PDE4A: variants seen among roughly 807,000 people sequenced by gnomAD.
PDE4A encodes 3',5'-cyclic-AMP phosphodiesterase 4A.
In PDE4A, 21 loss-of-function variants were observed where a neutral mutation model predicts 73.9. The observed-to-expected ratio is 0.28, with a 90% CI of 0.20 to 0.41. PDE4A has a LOEUF of 0.41. Among genes scored for constraint, PDE4A ranks in the 10% least tolerant of loss-of-function variants. The pLI is 1.00. For missense variants in PDE4A, 958 were observed against 1,211.4 expected, an observed-to-expected ratio of 0.79 and a Z score of 3.10; for synonymous variants, 463 against 505.4, an observed-to-expected ratio of 0.92 and a Z score of 1.13.
upstream of PDE4A, chr19:10,417,927 G>A (rs1214824121): frequency 1.8e-5 from 27 of 1,496,406 alleles, no homozygotes; most frequent in Admixed American, 5.4e-4. Flanking sequence ...AACTGGGCTA[G>A]GTCCAGCCAC....
intron 1 of PDE4A, among the ~76,000 whole-genome samples, chr19:10,433,057 A>G (rs571592375): frequency 6.6e-6 from 1 of 152,246 alleles, no homozygotes; most frequent in East Asian, 1.9e-4. Context: ...GGTGTTTAGA[A>G]TAGGCTGGAC....
chr19:10,462,637 C>T lies in PDE4A; in HGVS notation c.1743+638C>T, dbSNP rs1316111607. ...ACACCTGACCTCTTTCTGTCTGTCC[C>T]CTTCTCCATCTTCACTTTCCAATCC... On this transcript the variant is annotated intron_variant, in intron 13 of 14. Coordinates refer to ENST00000380702, the MANE Select transcript of PDE4A (RefSeq NM_001111307.2). 3.3e-5 allele frequency among the ~76,000 whole-genome samples: 5 copies of T among 152,108 alleles called. No homozygotes were observed. The South Asian group carries it at 8.3e-4, about 25-fold the overall frequency.
intron 13 of PDE4A, among the ~76,000 whole-genome samples, chr19:10,463,440 C>T (rs1317961645): frequency 7.2e-6 from 1 of 139,432 alleles, no homozygotes; most frequent in Non-Finnish European, 1.5e-5. Context: ...CTCACTCTGT[C>T]GCCCAGGCTG....
intron 7 of PDE4A, among the ~76,000 whole-genome samples, chr19:10,456,479 T>C (rs938370907): frequency 6.6e-6 from 1 of 151,372 alleles, no homozygotes; most frequent in African/African-American, 2.4e-5. Flanking sequence ...TGAGCTGAGA[T>C]AGCGTCACTG....
At chr19:10,459,260 A>C (rs748782810) in intron 8 of PDE4A, 140 bp from the exon 9 acceptor site, 1 of 1,457,230 alleles carries the variant, frequency 6.9e-7, no homozygotes, top group South Asian at 1.3e-5. Context: ...AGGGCAGTAC[A>C]TTCTGTGCTG....
chr19:10,456,897 AG>A (rs2043178614), intron 7 of PDE4A, among the ~76,000 whole-genome samples: 1 of 152,078 alleles, frequency 6.6e-6, no homozygotes, highest in African/African-American at 2.4e-5. Flanking sequence ...CGCCCAGACA[AG>A]CTCAAGAAAA....
intron 10 of PDE4A, 44 bp from the exon 11 acceptor site, chr19:10,460,960 T>C (rs2043253772): frequency 6.3e-7 from 1 of 1,578,540 alleles, no homozygotes; most frequent in Non-Finnish European, 8.7e-7. Context: ...CCACCATGCA[T>C]GGCTTCAACT....
chr19:10,424,548 G>T lies in PDE4A; in HGVS notation c.320+3464G>T, dbSNP rs2042690518. On this transcript the variant is annotated intron_variant, in intron 1 of 14. Coordinates refer to ENST00000380702, the MANE Select transcript of PDE4A (RefSeq NM_001111307.2). This position sits in a 1 kb window ranked among gnomAD's most constrained non-coding sequence, Gnocchi z 4.8. Reference sequence around the variant, plus strand: ...CCGAGCGCGGACCTGCTCCAGGGACGCCGCCAGTCCCGGAGCAAAGCAAAG... The same window carrying T: ...CCGAGCGCGGACCTGCTCCAGGGACTCCGCCAGTCCCGGAGCAAAGCAAAG... Among the ~76,000 whole-genome samples, 2 of 152,260 alleles carry T rather than the reference G, an allele frequency of 1.3e-5. No homozygotes were observed.
intron 14 of PDE4A, among the ~76,000 whole-genome samples, chr19:10,466,212 C>G (rs1468381319): frequency 1.3e-5 from 2 of 149,784 alleles, no homozygotes; most frequent in East Asian, 4.1e-4. Flanking sequence ...TTTGGGAGGC[C>G]GAGGTGGGCT....
At chr19:10,427,422 G>A (rs1417211403) in intron 1 of PDE4A, 2 of 915,588 alleles carry the variant, frequency 2.2e-6, no homozygotes, top group African/African-American at 3.6e-5. Context: ...AGGCAAGTGT[G>A]TCTGAGGCAG....
At chr19:10,436,036 G>C (rs2042860942) in intron 1 of PDE4A, among the ~76,000 whole-genome samples, 1 of 152,164 alleles carries the variant, frequency 6.6e-6, no homozygotes, top group Non-Finnish European at 1.5e-5. Context: ...AGTCCCTTGG[G>C]GCTGGTGGAT....
At position 10,461,628 on chromosome 19, in the gene PDE4A, A is replaced by G. The variant is rs1249575687; in HGVS notation, c.1568A>G (p.Gln523Arg). Residue 523 changes from glutamine to arginine, a missense_variant, in exon 12 of 15, where the codon CAG (glutamine) becomes CGG (arginine). Gln to Arg is a conservative substitution (Grantham distance 43). Coordinates refer to ENST00000380702, the MANE Select transcript of PDE4A (RefSeq NM_001111307.2). ...CAGGAGGACAACTGCGACATCTTCC[A>G]GAACCTCAGCAAGCGCCAGCGGCAG... is the stretch of plus-strand genomic sequence containing the variant. ...LLQEDNCDIFQNLSKRQRQSL... is the reference protein window; with the variant it reads ...LLQEDNCDIFRNLSKRQRQSL... 3 of 1,604,656 alleles carry G rather than the reference A, an allele frequency of 1.9e-6. No individual in the cohort carries two copies. The East Asian group carries it at 6.8e-5, about 36-fold the overall frequency.
chr19:10,468,937 A>G lies in PDE4A; in HGVS notation c.*1316A>G. On this transcript the variant is annotated 3_prime_UTR_variant, in exon 15 of 15. Coordinates refer to ENST00000380702, the MANE Select transcript of PDE4A (RefSeq NM_001111307.2). ...CCCCTCGCCCTCGGCCTGGTTCTGCAGCTGGACCGACCTCATTCATCGCCT... is the reference window on the plus strand; with the variant it reads ...CCCCTCGCCCTCGGCCTGGTTCTGCGGCTGGACCGACCTCATTCATCGCCT... 1 of 152,696 alleles carries G rather than the reference A, an allele frequency of 6.5e-6. No individual in the cohort carries two copies. The highest frequency in any genetic ancestry group is 1.5e-5 in the Non-Finnish European group (1 of 68,120). The allele number at this position is 152,696 out of a possible 1,614,324, so 9.5% of individuals were successfully genotyped here.
intron 1 of PDE4A, among the ~76,000 whole-genome samples, chr19:10,442,993 T>C (rs142697043): frequency 5.4e-4 from 82 of 151,998 alleles, no homozygotes; most frequent in African/African-American, 1.8e-3. Flanking sequence ...ATATTACCAA[T>C]ATTACATATT....
chr19:10,426,351 G>A (rs148768407), intron 1 of PDE4A, among the ~76,000 whole-genome samples: 20 of 152,206 alleles, frequency 1.3e-4, no homozygotes, highest in Non-Finnish European at 2.2e-4. Flanking sequence ...GGCCCAGGAT[G>A]GCATTGAATT....
chr19:10,440,345 T>C (rs937350668), intron 1 of PDE4A, among the ~76,000 whole-genome samples: 1 of 152,136 alleles, frequency 6.6e-6, no homozygotes, highest in African/African-American at 2.4e-5. Context: ...TTTTTTCATA[T>C]GTTTATTGGC....
intron 11 of PDE4A, 162 bp from the exon 12 acceptor site, chr19:10,461,364 G>A (rs2043266314): frequency 4.1e-6 from 4 of 971,426 alleles, no homozygotes; most frequent in Non-Finnish European, 4.9e-6. Context: ...GGCGGGGCTG[G>A]CTGGGCTGGA....
At position 10,453,320 on chromosome 19, in the gene PDE4A, G is replaced by C; in HGVS notation, c.784-1509G>C. 2 of 1,613,348 alleles carry C rather than the reference G, an allele frequency of 1.2e-6. No individual in the cohort carries two copies. Among genetic ancestry groups the C allele is most frequent in the Non-Finnish European group, 1.7e-6 (2 of 1,179,742 alleles). The stretch of plus-strand genomic sequence containing the variant: ...GCTCTAAGCCTTGGCTGGTGGGCTG[G>C]TGGGACCAGGTAGGAGAGTGCAGGG... On this transcript the variant is annotated intron_variant, in intron 6 of 14. Coordinates refer to ENST00000380702, the MANE Select transcript of PDE4A (RefSeq NM_001111307.2). This position sits in a 1 kb window ranked among gnomAD's most constrained non-coding sequence, Gnocchi z 4.6.
chr19:10,464,052 A>G, intron 14 of PDE4A, 77 bp downstream of exon 14: 1 of 1,567,830 alleles, frequency 6.4e-7, no homozygotes, highest in East Asian at 2.3e-5. Flanking sequence ...TCTGAGGCCC[A>G]GGAGCTCCTC....
Sources: allele counts gnomAD v4.1 joint callset (sites outside exome capture counted in the v4.1 genomes callset), GRCh38; gene constraint gnomAD v4.1.1; non-coding constraint Gnocchi (gnomAD v3.1); transcripts MANE v1.5; gene names NCBI Gene and HGNC (gene_info 2026-07-23, HGNC 2026-07-21).